Variants in CLEC2D observed in about 807,000 individuals in gnomAD.
CLEC2D encodes C-type lectin domain family 2 member D.
A neutral mutation model predicts 20.0 loss-of-function variants in CLEC2D; 16 were observed. The ratio of observed to expected loss-of-function variants is 0.80; its 90% CI spans 0.54 to 1.22. CLEC2D has a LOEUF of 1.22. Ranked by LOEUF, CLEC2D falls within the 50% of genes most tolerant of loss-of-function variation. The pLI, the probability that CLEC2D is intolerant of heterozygous loss-of-function variation, is 0.00. For synonymous variants in CLEC2D, 77 were observed against 71.1 expected, an observed-to-expected ratio of 1.08 and a Z score of -0.42; for missense variants, 207 against 221.5, an observed-to-expected ratio of 0.93 and a Z score of 0.42.
chr12:9,695,181 T>A lies in CLEC2D; in HGVS notation c.*307T>A. ...TCTTGCAATCATGACAGAAGGCAAA[T>A]GGGAAGCAAAGTCATGTCTTATGTG... On this transcript the variant is annotated 3_prime_UTR_variant, in exon 5 of 5. Transcript: ENST00000290855. 1.7e-6 allele frequency: 1 copy of A among 587,130 alleles called. No homozygotes were observed. The highest frequency in any genetic ancestry group is 3.0e-5 in the Admixed American group (1 of 33,646). The allele number at this position is 587,130 out of a possible 1,614,324, so 36.4% of individuals were successfully genotyped here.
chr12:9,689,966 A>G (rs1223655472), intron 3 of CLEC2D, among the ~76,000 whole-genome samples: 1 of 152,094 alleles, frequency 6.6e-6, no homozygotes, highest in African/African-American at 2.4e-5. Flanking sequence ...AATGAACAAA[A>G]CTTTCCAAAA....
chr12:9,672,298 C>T (rs1865440838), intron 1 of CLEC2D, among the ~76,000 whole-genome samples: 1 of 152,214 alleles, frequency 6.6e-6, no homozygotes, highest in Non-Finnish European at 1.5e-5. Flanking sequence ...TGCCTCTCAA[C>T]ACTATTGCAT....
rs1214368441 is a variant in CLEC2D at position 9,697,039 on chromosome 12, A to C, written c.*2165A>C. The C allele has an allele frequency of 4.8e-3, 1 of 208 alleles. No homozygotes were observed. The allele number at this position is 208 out of a possible 1,614,324, so 0.0% of individuals were successfully genotyped here. On this transcript the variant is annotated 3_prime_UTR_variant, in exon 5 of 5. Transcript: ENST00000290855. ...ACACACATTATATACATACATACAT[A>C]TATATATATATATAAAAAATAGAAT...
In CLEC2D at chr12:9,695,662, A is replaced by G. The variant is rs1281421743; in HGVS notation, c.*788A>G. ...AACGGTTTCTCTTGGGGGCTTTGAAATAACACCACCAGTGGACTTAAGGTT... is the reference window on the plus strand; with the variant it reads ...AACGGTTTCTCTTGGGGGCTTTGAAGTAACACCACCAGTGGACTTAAGGTT... On this transcript the variant is annotated 3_prime_UTR_variant, in exon 5 of 5. Transcript: ENST00000290855. 36 of 1,576,446 alleles carry G rather than the reference A, an allele frequency of 2.3e-5. No individual in the cohort carries two copies. The Admixed American group carries it at 5.7e-4, about 25-fold the overall frequency.
intron 2 of CLEC2D, among the ~76,000 whole-genome samples, chr12:9,682,916 C>T (rs1397064669): frequency 6.6e-6 from 1 of 152,122 alleles, no homozygotes; most frequent in Non-Finnish European, 1.5e-5. Flanking sequence ...TGAGGAATTG[C>T]CACACTGTAT....
intron 3 of CLEC2D, among the ~76,000 whole-genome samples, chr12:9,690,020 A>G (rs1458364567): frequency 6.6e-6 from 1 of 150,920 alleles, no homozygotes; most frequent in African/African-American, 2.4e-5. Flanking sequence ...GGCTCAATGA[A>G]CTCCAAAAGG....
At chr12:9,671,549 A>G (rs1174281101) in intron 1 of CLEC2D, among the ~76,000 whole-genome samples, 2 of 152,198 alleles carry the variant, frequency 1.3e-5, no homozygotes, top group Non-Finnish European at 2.9e-5. Flanking sequence ...GGTTTTGGCT[A>G]TTGCATGTTG....
rs1276337746 is a variant in CLEC2D, at chr12:9,698,527, G to A, written c.*3653G>A. ...CATATATAAAAACCAACTGAAAATC[G>A]ATTAAAGACTTAAACTGTAAAACTA... On this transcript the variant is annotated 3_prime_UTR_variant, in exon 5 of 5. Transcript: ENST00000290855. The A allele has an allele frequency of 1.3e-5, 2 of 152,072 alleles. No individual in the cohort carries two copies. Among genetic ancestry groups the A allele is most frequent in the East Asian group, 1.9e-4 (1 of 5,194 alleles). The allele number at this position is 152,072 out of a possible 1,614,324, so 9.4% of individuals were successfully genotyped here. A position where few individuals can be genotyped will look rare whatever the true frequency, so the allele number is the denominator to read the frequency against.
At chr12:9,693,739 T>G in intron 4 of CLEC2D, 1 of 408,846 alleles carries the variant, frequency 2.4e-6, no homozygotes, top group Admixed American at 2.8e-5. Flanking sequence ...TAGAATTAAC[T>G]TTTATTTCTT....
rs138264839 is a variant in CLEC2D, at chr12:9,683,579, T to A, written c.172+2546T>A. On this transcript the variant is annotated intron_variant, in intron 2 of 4. Transcript: ENST00000290855. ...GTGTAAGGAAGGGGTCCAGCTTCAG[T>A]TTTCTGCATATGGCTAGCCAGTTTT... is the stretch of plus-strand genomic sequence containing the variant. 4.1e-3 allele frequency among the ~76,000 whole-genome samples: 618 copies of A among 152,184 alleles called. 7 individuals carry two copies. The highest frequency in any genetic ancestry group is 0.013 in the African/African-American group (529 of 41,506).
At chr12:9,679,944 A>G (rs1305664854) in intron 1 of CLEC2D, among the ~76,000 whole-genome samples, 7 of 152,216 alleles carry the variant, frequency 4.6e-5, no homozygotes, top group Admixed American at 4.6e-4. Context: ...ATTATACAAT[A>G]CAAATATGTA....
At chr12:9,691,440 T>C (rs1865860855) in intron 3 of CLEC2D, among the ~76,000 whole-genome samples, 1 of 152,120 alleles carries the variant, frequency 6.6e-6, no homozygotes. Context: ...CAGAAGAATC[T>C]ACCCAACAAG....
At chr12:9,693,728 C>G (rs1865915571) in intron 4 of CLEC2D, 2 of 397,714 alleles carry the variant, frequency 5.0e-6, no homozygotes, top group South Asian at 3.7e-5. Flanking sequence ...TCATAAATAT[C>G]TAGAATTAAC....
At chr12:9,688,222 G>A (rs1238897571) in intron 3 of CLEC2D, 136 bp downstream of exon 3, 29 of 1,210,924 alleles carry the variant, frequency 2.4e-5, no homozygotes, top group Non-Finnish European at 2.8e-5. Context: ...TTTGCATAAC[G>A]AAAGAGTAAC....
chr12:9,681,272 C>T (rs1865629876), intron 2 of CLEC2D, among the ~76,000 whole-genome samples: 1 of 151,910 alleles, frequency 6.6e-6, no homozygotes, highest in Admixed American at 6.6e-5. Flanking sequence ...GACCACTATT[C>T]CTTAAGAATA....
rs1865366882 is a variant in CLEC2D, at chr12:9,669,719, A to G, written c.-16A>G. The G allele has an allele frequency of 6.2e-7, 1 of 1,607,288 alleles. No individual in the cohort carries two copies. The highest frequency in any genetic ancestry group is 2.2e-5 in the East Asian group (1 of 44,860). ...AGAGACTGTGGTTTAGATCACTCAT[A>G]GAAACTGGAGGCAAAATGCATGACA... On this transcript the variant is annotated 5_prime_UTR_variant, in exon 1 of 5. The change creates a new upstream start codon in the 5' untranslated region. Coordinates refer to ENST00000290855, the MANE Select transcript of CLEC2D (RefSeq NM_013269.6).
At chr12:9,694,710 C>G (rs761177654) in intron 4 of CLEC2D, 50 bp from the exon 5 acceptor site, 2 of 922,712 alleles carry the variant, frequency 2.2e-6, no homozygotes, top group Non-Finnish European at 3.6e-6. Flanking sequence ...ATTCTCTCTG[C>G]TGTTGAAGAA....
rs977759424 is a variant in CLEC2D at position 9,696,484 on chromosome 12, A to G, written c.*1610A>G. ...ATAGGACATAGTAGTAGCAGTGGTC[A>G]GACATGGAAATGGTGGGGAGACAAA... On this transcript the variant is annotated 3_prime_UTR_variant, in exon 5 of 5. Coordinates refer to ENST00000290855, the MANE Select transcript of CLEC2D (RefSeq NM_013269.6). 14 of 298,842 alleles carry G rather than the reference A, an allele frequency of 4.7e-5. No individual in the cohort carries two copies. The highest frequency in any genetic ancestry group is 8.2e-5 in the Non-Finnish European group (13 of 157,876). 18.5% of individuals were successfully genotyped at this position (298,842 alleles called of 1,614,324 possible).
chr12:9,678,016 C>G (rs751530215), intron 1 of CLEC2D, among the ~76,000 whole-genome samples: 14 of 152,164 alleles, frequency 9.2e-5, no homozygotes, highest in African/African-American at 2.4e-4. Context: ...AGCCAATATA[C>G]CCTGCTGGAT....
Sources: allele counts gnomAD v4.1 joint callset (sites outside exome capture counted in the v4.1 genomes callset), GRCh38; gene constraint gnomAD v4.1.1; transcripts MANE v1.5; gene names NCBI Gene and HGNC (gene_info 2026-07-23, HGNC 2026-07-21).